Variants in MAST4 observed in about 807,000 individuals in gnomAD.
MAST4 encodes microtubule associated serine/threonine kinase family member 4.
A neutral mutation model predicts 162.7 loss-of-function variants in MAST4; 89 were observed. The observed-to-expected ratio is 0.55, with a 90% CI of 0.46 to 0.65. MAST4 has a LOEUF of 0.65. Among genes scored for constraint, MAST4 ranks in the 30% least tolerant of loss-of-function variants. MAST4 has a pLI of 0.00. For missense variants in MAST4, 3,153 were observed against 3,374.0 expected, an observed-to-expected ratio of 0.93 and a Z score of 1.62; for synonymous variants, 1,479 against 1,361.1, an observed-to-expected ratio of 1.09 and a Z score of -1.91.
At chr5:66,962,661 A>G (rs984711513) in intron 4 of MAST4, among the ~76,000 whole-genome samples, 2 of 152,148 alleles carry the variant, frequency 1.3e-5, no homozygotes, top group South Asian at 2.1e-4. Flanking sequence ...GTAAGCCACT[A>G]CACTCCAGCC....
chr5:66,775,258 G>C (rs1386010667), intron 2 of MAST4, among the ~76,000 whole-genome samples: 4 of 152,042 alleles, frequency 2.6e-5, no homozygotes, highest in African/African-American at 7.3e-5. Flanking sequence ...TTGAGAGATG[G>C]CCATTTGGAG....
At chr5:67,109,070 T>C (rs990011419) in intron 10 of MAST4, among the ~76,000 whole-genome samples, 2 of 152,260 alleles carry the variant, frequency 1.3e-5, no homozygotes, top group East Asian at 3.9e-4. Flanking sequence ...GAAAATATTA[T>C]TGAAAATTTA....
chr5:66,638,010 A>G (rs1229297995), intron 1 of MAST4, among the ~76,000 whole-genome samples: 2 of 152,132 alleles, frequency 1.3e-5, no homozygotes, highest in Non-Finnish European at 1.5e-5. Flanking sequence ...GCCTTTTGAT[A>G]TATCTTCTTT....
At chr5:66,767,170 CGTGTGTGT>C (rs60766673) in intron 2 of MAST4, among the ~76,000 whole-genome samples, 35,919 of 139,420 alleles carry the variant, frequency 0.26, 4,927 homozygotes, top group Non-Finnish European at 0.32. Context: ...GTAAAGTGCA[CGTGTGTGT>C]GTGTGTGTGT....
At chr5:66,717,507 C>T (rs564027553) in intron 1 of MAST4, among the ~76,000 whole-genome samples, 30 of 152,250 alleles carry the variant, frequency 2.0e-4, no homozygotes, top group African/African-American at 7.2e-4. Context: ...TTAATTTTGA[C>T]ATATGGTTAC....
At chr5:66,837,882 ATATATATATATATTTTTTTT>A (rs1224019308) in intron 3 of MAST4, among the ~76,000 whole-genome samples, 5,611 of 61,848 alleles carry the variant, frequency 0.091, 203 homozygotes, top group African/African-American at 0.14. Context: ...ATATATATAT[ATATATATATATATTTTTTTT>A]TTTTTTTTTT....
intron 1 of MAST4, among the ~76,000 whole-genome samples, chr5:66,711,093 G>A (rs1392813636): frequency 1.3e-5 from 2 of 152,142 alleles, no homozygotes; most frequent in Non-Finnish European, 2.9e-5. Context: ...TCATCATACG[G>A]GATGTCCCAT....
chr5:66,663,947 G>A (rs1004077354), intron 1 of MAST4, among the ~76,000 whole-genome samples: 1 of 152,134 alleles, frequency 6.6e-6, no homozygotes, highest in Non-Finnish European at 1.5e-5. Context: ...TTGGGCCAGG[G>A]TGGTGGTGGT....
At chr5:66,607,676 T>A (rs1319669847) in intron 1 of MAST4, among the ~76,000 whole-genome samples, 1 of 152,218 alleles carries the variant, frequency 6.6e-6, no homozygotes, top group Non-Finnish European at 1.5e-5. Flanking sequence ...AATTGGGGAA[T>A]CTGAACTCCT....
chr5:67,166,450 C>T lies in MAST4; in HGVS notation c.7271C>T (p.Pro2424Leu). The T allele has an allele frequency of 6.2e-7, 1 of 1,602,196 alleles. No homozygotes were observed. Among genetic ancestry groups the T allele is most frequent in the Non-Finnish European group, 8.5e-7 (1 of 1,174,014 alleles). The change falls in exon 29 of 29, where the codon CCC becomes CTC. Residue 2424 changes from proline (P) to leucine (L), a missense_variant. By Grantham distance (98) the Pro-to-Leu change is moderately conservative (BLOSUM62 -3). This residue lies in a region of MAST4 where 1,644 missense variants were observed against 1,495.0 expected (regional missense o/e 1.10). Coordinates refer to ENST00000403625, the MANE Select transcript of MAST4 (RefSeq NM_001164664.2). ...GAGGCCAGAGGGAAAGGGCCCGGTC[C>T]CCAGAAGCCACCGACGGAGGCAGAC... ...FPEARGKGPG[P>L]QKPPTEADKP...
intron 4 of MAST4, among the ~76,000 whole-genome samples, chr5:66,965,594 G>GGGT (rs1746630443): frequency 8.0e-6 from 1 of 124,626 alleles, no homozygotes; most frequent in Non-Finnish European, 1.7e-5. Context: ...GGGCGGGGGG[G>GGGT]GGGGCGGTGA....
chr5:66,779,169 T>C (rs569360307), intron 2 of MAST4, among the ~76,000 whole-genome samples: 3 of 152,338 alleles, frequency 2.0e-5, no homozygotes, highest in South Asian at 4.1e-4. Flanking sequence ...TGTGGAAACA[T>C]AGTTTAGCAA....
intron 4 of MAST4, among the ~76,000 whole-genome samples, chr5:66,963,049 G>T (rs1043652441): frequency 5.3e-5 from 8 of 152,216 alleles, no homozygotes; most frequent in African/African-American, 9.6e-5. Context: ...ATGGTGGTTT[G>T]GATGGGTGGG....
intron 1 of MAST4, among the ~76,000 whole-genome samples, chr5:66,699,119 C>A (rs6877531): frequency 0.2 from 30,482 of 152,150 alleles, 3,493 homozygotes; most frequent in Admixed American, 0.31. Flanking sequence ...CACCCTGACA[C>A]GCCCTCCGGC....
chr5:66,753,432 G>A (rs1458744718), intron 1 of MAST4, among the ~76,000 whole-genome samples: 1 of 151,258 alleles, frequency 6.6e-6, no homozygotes, highest in Admixed American at 6.6e-5. Context: ...AAAGAGAGAA[G>A]AATCAAATAG....
At chr5:66,732,164 A>G (rs1256657857) in intron 1 of MAST4, among the ~76,000 whole-genome samples, 6 of 151,970 alleles carry the variant, frequency 3.9e-5, no homozygotes, top group Admixed American at 1.3e-4. Context: ...TTAGCTTTAC[A>G]ATGTCCGGTT....
chr5:67,083,328 C>T (rs976299322), intron 5 of MAST4, among the ~76,000 whole-genome samples: 2 of 152,128 alleles, frequency 1.3e-5, no homozygotes, highest in Non-Finnish European at 2.9e-5. Context: ...CAGAGGCAAA[C>T]AAAATGTTTA....
intron 3 of MAST4, among the ~76,000 whole-genome samples, chr5:66,893,017 G>A (rs1762455875): frequency 6.6e-6 from 1 of 152,188 alleles, no homozygotes; most frequent in African/African-American, 2.4e-5. Flanking sequence ...TGATACCACA[G>A]TCTTGTTCAT....
chr5:66,972,065 G>A (rs1044810488), intron 4 of MAST4, among the ~76,000 whole-genome samples: 4 of 152,208 alleles, frequency 2.6e-5, no homozygotes, highest in African/African-American at 9.6e-5. Context: ...TGGAGGTGGT[G>A]TAAGAATTAA....
Sources: gnomAD v4.1 joint callset for allele counts (sites outside exome capture counted in the v4.1 genomes callset) on GRCh38, gnomAD v4.1.1 for gene constraint, gnomAD v4.1.1 regional missense constraint, MANE v1.5 for transcripts, NCBI Gene and HGNC (gene_info 2026-07-23, HGNC 2026-07-21) for gene names.